The following DNAH1 variants were observed in gnomAD, a reference collection of about 807,000 sequenced individuals.
The protein encoded by DNAH1 is axonemal beta dynein heavy chain 1.
A neutral mutation model predicts 484.3 loss-of-function variants in DNAH1; 327 were observed. The ratio of observed to expected loss-of-function variants is 0.68; its 90% CI spans 0.62 to 0.74. The LOEUF is 0.74. DNAH1 is among the 30% of genes least tolerant of loss of function. DNAH1 has a pLI of 0.00. For missense variants in DNAH1, 5,052 were observed against 5,546.8 expected, an observed-to-expected ratio of 0.91 and a Z score of 2.83; for synonymous variants, 2,192 against 2,191.9, an observed-to-expected ratio of 1.00 and a Z score of 0.00.
rs765144544 is a variant in DNAH1 at position 52,394,957 on chromosome 3, C to T, written c.10866C>T (p.Phe3622=). 1.7e-5 allele frequency: 28 copies of T among 1,613,392 alleles called. No homozygotes were observed. Among genetic ancestry groups the T allele is most frequent in the Middle Eastern group, 3.3e-4 (2 of 6,082 alleles). ...PGIWDQYLDQ[F]QKLLVLRCLR... ...TCTGGGACCAGTACCTAGACCAGTT[C>T]CAGAAGCTGCTAGTCCTCCGCTGCC... Residue 3622 remains phenylalanine (F), a synonymous_variant, in exon 68 of 78, where the codon TTC becomes TTT. Transcript: ENST00000420323.
chr3:52,390,995 C>G lies in DNAH1; in HGVS notation c.9682C>G (p.Gln3228Glu), dbSNP rs1462441688. Residue 3228 changes from glutamine to glutamate, a missense_variant, in exon 61 of 78, where the codon CAG (glutamine) becomes GAG (glutamate). Gln to Glu is a conservative substitution (Grantham distance 29). Coordinates refer to ENST00000420323, the MANE Select transcript of DNAH1 (RefSeq NM_015512.5). ...GAACGGGGTCATCAACCAGTTTTCC[C>G]AGCGCTGGACCCACTTCATTGACCC... ...VENGVINQFS[Q>E]RWTHFIDPQS... The G allele has an allele frequency of 6.4e-7, 1 of 1,553,978 alleles. No individual in the cohort carries two copies. Among genetic ancestry groups the G allele is most frequent in the Non-Finnish European group, 8.7e-7 (1 of 1,148,332 alleles).
chr3:52,377,050 C>T (rs1559549321), intron 46 of DNAH1, among the ~76,000 whole-genome samples: 1 of 152,180 alleles, frequency 6.6e-6, no homozygotes, highest in Non-Finnish European at 1.5e-5. Flanking sequence ...ACAGTCCCAT[C>T]CCGCCTCTGA....
At chr3:52,365,589 T>C (rs887675296) in intron 34 of DNAH1, among the ~76,000 whole-genome samples, 2 of 152,092 alleles carry the variant, frequency 1.3e-5, no homozygotes, top group African/African-American at 4.8e-5. Context: ...TCCCGAACCC[T>C]CGCCCCTCAT....
chr3:52,362,650 A>T lies in DNAH1; in HGVS notation c.5094+149A>T. On this transcript the variant is annotated intron_variant, in intron 31 of 77. Transcript: ENST00000420323. The surrounding 1 kb of genome is among the most constrained non-coding windows in gnomAD (Gnocchi z 5.1). The stretch of plus-strand genomic sequence containing the variant: ...CCCTTAGCCATGGAGGGGAGGCCTC[A>T]GGGCCTCAGACTTGTCCTCAGGGCA... 1.3e-6 allele frequency: 1 copy of T among 779,092 alleles called. No individual in the cohort carries two copies. The highest frequency in any genetic ancestry group is 2.1e-6 in the Non-Finnish European group (1 of 485,620). 48.3% of individuals were successfully genotyped at this position (779,092 alleles called of 1,614,324 possible). A position where few individuals can be genotyped will look rare whatever the true frequency, so the allele number is the denominator to read the frequency against.
chr3:52,311,050 A>G, the DNAH1 span, among the ~76,000 whole-genome samples: 1 of 152,102 alleles, frequency 6.6e-6, no homozygotes, highest in Non-Finnish European at 1.5e-5. Flanking sequence ...CTTGTTTTTC[A>G]CACCCGGGAC....
chr3:52,382,082 C>T (rs866911700), intron 49 of DNAH1, among the ~76,000 whole-genome samples: 1 of 152,196 alleles, frequency 6.6e-6, no homozygotes, highest in Middle Eastern at 3.4e-3. Flanking sequence ...GGGGAGGTGG[C>T]CAGGGCTGCT....
At chr3:52,387,303 G>C (rs914213717) in intron 56 of DNAH1, among the ~76,000 whole-genome samples, 1 of 152,044 alleles carries the variant, frequency 6.6e-6, no homozygotes, top group Non-Finnish European at 1.5e-5. Context: ...CAGCTTCCCT[G>C]TCTGTCTCTG....
chr3:52,372,127 C>T (rs368365706), intron 42 of DNAH1, 41 bp downstream of exon 42: 6 of 1,610,946 alleles, frequency 3.7e-6, no homozygotes, highest in Non-Finnish European at 4.2e-6. Flanking sequence ...GTCCCCAAGG[C>T]CTATATTGGG....
chr3:52,399,254 G>A (rs2153225894), intron 76 of DNAH1, 53 bp downstream of exon 76: 2 of 1,522,912 alleles, frequency 1.3e-6, no homozygotes, highest in East Asian at 2.3e-5. Context: ...ACAGCCCAGG[G>A]AGGAGAGGCT....
At chr3:52,365,119 C>G in intron 34 of DNAH1, 100 bp downstream of exon 34, 5 of 1,440,680 alleles carry the variant, frequency 3.5e-6, no homozygotes, top group Non-Finnish European at 4.6e-6. Context: ...CCCAGGGGCC[C>G]TCACACCTGG....
At chr3:52,398,301 G>T in intron 75 of DNAH1, 139 bp downstream of exon 75, 1 of 1,153,558 alleles carries the variant, frequency 8.7e-7, no homozygotes, top group Non-Finnish European at 1.2e-6. Context: ...TGTTGTTGTT[G>T]ACACGGAGTC....
chr3:52,370,511 G>A lies in DNAH1; in HGVS notation c.6293G>A (p.Arg2098His), dbSNP rs373906923. 1.9e-4 allele frequency: 305 copies of A among 1,613,958 alleles called. No homozygotes were observed. The Middle Eastern group carries it at 4.3e-3, about 23-fold the overall frequency. The stretch of plus-strand genomic sequence containing the variant: ...AAAATACCCTCTGAAAAGCTGAGTC[G>A]CATCGTAGAGTTGATCGAGCCCTGG... ...LKKIPSEKLS[R>H]IVELIEPWFI... The change falls in exon 40 of 78, where the codon CGC becomes CAC. Residue 2098 changes from arginine (R) to histidine (H), a missense_variant. Coordinates refer to ENST00000420323, the MANE Select transcript of DNAH1 (RefSeq NM_015512.5).
chr3:52,349,244 C>T lies in DNAH1; in HGVS notation c.2350C>T (p.Leu784Phe), dbSNP rs147836376. 25 of 1,613,890 alleles carry T rather than the reference C, an allele frequency of 1.5e-5. No individual in the cohort carries two copies. The East Asian group carries it at 2.2e-4, about 14-fold the overall frequency. The change falls in exon 14 of 78, where the codon CTC becomes TTC. Residue 784 changes from leucine (L) to phenylalanine (F), a missense_variant. Transcript: ENST00000420323. The stretch of plus-strand genomic sequence containing the variant: ...GGCCCAGGAGGTGCGGGAGGTAGTG[C>T]TCACCCACCTGCGGGAGAAGGAGAT... The part of the protein sequence containing the change: ...LLAQEVREVV[L>F]THLREKEILD...
rs776409837 is a variant in DNAH1, at chr3:52,352,667, A to T, written c.2987A>T (p.Tyr996Phe). The T allele has an allele frequency of 2.5e-6, 4 of 1,612,680 alleles. No homozygotes were observed. Among genetic ancestry groups the T allele is most frequent in the Non-Finnish European group, 3.4e-6 (4 of 1,179,616 alleles). The change falls in exon 18 of 78, where the codon TAC becomes TTC. Residue 996 changes from tyrosine to phenylalanine, a missense_variant. Transcript: ENST00000420323. ...GACTGCCAGCAGCTGGCCATGCTCT[A>T]CAACAACCGCGAGCGCATCTTCAGC... is the stretch of plus-strand genomic sequence containing the variant. ...LKDCQQLAML[Y>F]NNRERIFSLP...
In DNAH1 at chr3:52,361,472, G is replaced by A; in HGVS notation, c.4874+120G>A. On this transcript the variant is annotated intron_variant, in intron 29 of 77. Transcript: ENST00000420323. The surrounding 1 kb of genome is among the most constrained non-coding windows in gnomAD (Gnocchi z 5.6). ...GAAGGATGGTGGAGGGGACAGAAGG[G>A]GGTAATAGGCATCACGGCTTGGTCC... The A allele has an allele frequency of 7.6e-7, 1 of 1,324,326 alleles. No homozygotes were observed. The highest frequency in any genetic ancestry group is 1.0e-6 in the Non-Finnish European group (1 of 973,260). The allele number at this position is 1,324,326 out of a possible 1,614,324, so 82.0% of individuals were successfully genotyped here.
chr3:52,361,910 G>A lies in DNAH1; in HGVS notation c.4980+144G>A, dbSNP rs1340435502. On this transcript the variant is annotated intron_variant, in intron 30 of 77. Coordinates refer to ENST00000420323, the MANE Select transcript of DNAH1 (RefSeq NM_015512.5). The surrounding 1 kb of genome is among the most constrained non-coding windows in gnomAD (Gnocchi z 5.6). ...GTCCCGGGGGCACACCCTAACCCCA[G>A]TCTGTGGGCAGCTCCCAGGCCAAGC... 2.8e-5 allele frequency: 24 copies of A among 863,570 alleles called. No individual in the cohort carries two copies. Among genetic ancestry groups the A allele is most frequent in the Admixed American group, 2.5e-4 (10 of 39,474 alleles). 53.5% of individuals were successfully genotyped at this position (863,570 alleles called of 1,614,324 possible).
In DNAH1 at chr3:52,316,323, G is replaced by C. The variant is rs1700949174; in HGVS notation, c.-257G>C. 6.6e-6 allele frequency: 1 copy of C among 152,290 alleles called. No individual in the cohort carries two copies. Among genetic ancestry groups the C allele is most frequent in the Non-Finnish European group, 1.5e-5 (1 of 68,144 alleles). 9.4% of individuals were successfully genotyped at this position (152,290 alleles called of 1,614,324 possible). A position where few individuals can be genotyped will look rare whatever the true frequency, so the allele number is the denominator to read the frequency against. On this transcript the variant is annotated 5_prime_UTR_variant, in exon 1 of 78. Transcript: ENST00000420323. Reference sequence around the variant, plus strand: ...AGGTGCCTCTCTACAGGCCAAGGGGGGTACCCAACCTATACGCAGACCCAT... The same window carrying C: ...AGGTGCCTCTCTACAGGCCAAGGGGCGTACCCAACCTATACGCAGACCCAT...
intron 65 of DNAH1, 41 bp from the exon 66 acceptor site, chr3:52,393,293 C>T: frequency 6.8e-6 from 11 of 1,608,944 alleles, no homozygotes; most frequent in African/African-American, 1.3e-5. Context: ...CTCTTCCTTC[C>T]TCTCACCTCT....
At chr3:52,311,232 A>AT in the DNAH1 span, among the ~76,000 whole-genome samples, 1 of 152,160 alleles carries the variant, frequency 6.6e-6, no homozygotes, top group Non-Finnish European at 1.5e-5. Context: ...TGGAGGCCTA[A>AT]TACCTTGAGG....
Sources: allele counts gnomAD v4.1 joint callset (sites outside exome capture counted in the v4.1 genomes callset), GRCh38; gene constraint gnomAD v4.1.1; non-coding constraint Gnocchi (gnomAD v3.1); transcripts MANE v1.5; gene names NCBI Gene and HGNC (gene_info 2026-07-23, HGNC 2026-07-21).